The following PPP4R3A variants were observed in gnomAD, a reference collection of about 807,000 sequenced individuals.
PPP4R3A encodes the protein serine/threonine-protein phosphatase 4 regulatory subunit 3A.
Under a neutral mutation model 91.7 loss-of-function variants are expected in PPP4R3A, and 15 were observed. The observed-to-expected ratio is 0.16, with a 90% CI of 0.11 to 0.25. The LOEUF (loss-of-function observed/expected upper bound fraction) is 0.25. Ranked by LOEUF, PPP4R3A falls within the 10% of genes least tolerant of loss-of-function variation. The pLI, the probability that PPP4R3A is intolerant of heterozygous loss-of-function variation, is 1.00. For missense variants in PPP4R3A, 623 were observed against 998.4 expected, an observed-to-expected ratio of 0.62 and a Z score of 5.07; for synonymous variants, 377 against 348.7, an observed-to-expected ratio of 1.08 and a Z score of -0.91.
chr14:91,492,379 T>G (rs139477810), intron 1 of PPP4R3A, among the ~76,000 whole-genome samples: 257 of 152,392 alleles, frequency 1.7e-3, no homozygotes, highest in African/African-American at 6.0e-3. Flanking sequence ...GCTCTTAACA[T>G]TTCCAAATTT....
At chr14:91,504,310 A>G (rs917706611) in intron 1 of PPP4R3A, among the ~76,000 whole-genome samples, 1 of 149,966 alleles carries the variant, frequency 6.7e-6, no homozygotes, top group African/African-American at 2.5e-5. Context: ...CATGGGCAAC[A>G]GAGCTCTTAA....
chr14:91,462,911 G>GA (rs1192490115), intron 11 of PPP4R3A, 34 bp from the exon 12 acceptor site: 2 of 1,529,416 alleles, frequency 1.3e-6, no homozygotes, highest in Admixed American at 1.9e-5. Flanking sequence ...AAAATGATAG[G>GA]AAAATGTCAT....
At chr14:91,495,734 T>C (rs1197009886) in intron 1 of PPP4R3A, among the ~76,000 whole-genome samples, 1 of 151,710 alleles carries the variant, frequency 6.6e-6, no homozygotes, top group East Asian at 1.9e-4. Context: ...CTAGGCAATA[T>C]AGTGAGACCT....
In PPP4R3A at chr14:91,490,146, G is replaced by A. The variant is rs368893238; in HGVS notation, c.198+601C>T. Among the ~76,000 whole-genome samples the A allele has an allele frequency of 2.6e-5, 4 of 152,276 alleles. No individual in the cohort carries two copies. In the East Asian group the frequency reaches 5.8e-4, roughly 22 times the overall value. On this transcript the variant is annotated intron_variant, in intron 2 of 14. Coordinates refer to ENST00000554943, the MANE Select transcript of PPP4R3A (RefSeq NM_001366432.2). ...CTGTGTGGGTGTACGTGAAGCGCAC[G>A]CGCGTGTGTACTGAATGAATACCAT...
At chr14:91,507,530 TA>T (rs1213786945) in intron 1 of PPP4R3A, among the ~76,000 whole-genome samples, 1 of 135,390 alleles carries the variant, frequency 7.4e-6, no homozygotes, top group African/African-American at 2.8e-5. Flanking sequence ...ACTATAGTTA[TA>T]TATACTATAT....
At chr14:91,507,573 ACATAC>A (rs1409063110) in intron 1 of PPP4R3A, among the ~76,000 whole-genome samples, 2 of 138,108 alleles carry the variant, frequency 1.4e-5, no homozygotes, top group African/African-American at 2.7e-5. Flanking sequence ...TATATATTAT[ACATAC>A]TATAGTTATA....
chr14:91,482,275 A>G (rs1308182409), intron 3 of PPP4R3A, 82 bp from the exon 4 acceptor site: 70 of 1,406,686 alleles, frequency 5.0e-5, no homozygotes, highest in South Asian at 1.0e-4. Context: ...TGAATACTAG[A>G]AATGTTGTAA....
chr14:91,475,784 C>T (rs1476606267), intron 7 of PPP4R3A, 27 bp downstream of exon 7: 1 of 1,579,460 alleles, frequency 6.3e-7, no homozygotes, highest in South Asian at 1.1e-5. Flanking sequence ...TGTATAAATA[C>T]TTACTATTAG....
chr14:91,507,594 A>G (rs1891478111), intron 1 of PPP4R3A, among the ~76,000 whole-genome samples: 1 of 144,116 alleles, frequency 6.9e-6, no homozygotes, highest in African/African-American at 2.6e-5. Context: ...TTATATATAC[A>G]TGTTATACAT....
Position 91,462,872 on chromosome 14 carries a change from A to C in PPP4R3A, c.1836T>G (p.Asp612Glu). Reference sequence around the variant, plus strand: ...TTACATGAGCAGTTAATGATTTTATATCTTCCTACAGAAAAGAATAGTAAT... The same window carrying C: ...TTACATGAGCAGTTAATGATTTTATCTCTTCCTACAGAAAAGAATAGTAAT... The part of the protein sequence containing the change: ...IEMFEFIRVE[D>E]IKSLTAHVIE... Residue 612 changes from aspartate to glutamate, a missense_variant, in exon 12 of 15, where the codon GAT becomes GAG. This residue lies in a region of PPP4R3A where 87 missense variants were observed against 233.9 expected (regional missense o/e 0.37). Coordinates refer to ENST00000554943, the MANE Select transcript of PPP4R3A (RefSeq NM_001366432.2). The C allele has an allele frequency of 6.3e-7, 1 of 1,592,076 alleles. No individual in the cohort carries two copies. Among genetic ancestry groups the C allele is most frequent in the South Asian group, 1.1e-5 (1 of 89,578 alleles).
Position 91,481,749 on chromosome 14 carries a change from C to G in PPP4R3A, c.742G>C (p.Glu248Gln). 1 of 1,614,068 alleles carries G rather than the reference C, an allele frequency of 6.2e-7. No individual in the cohort carries two copies. Among genetic ancestry groups the G allele is most frequent in the Non-Finnish European group, 8.5e-7 (1 of 1,180,002 alleles). ...EFLTKTAKFK[E>Q]VIPISDPELK... ...TCAGGATCTGATATGGGAATCACTT[C>G]TTTAAACTTGGCTGTTTTTGTTAGA... is the stretch of plus-strand genomic sequence containing the variant. Residue 248 changes from glutamate to glutamine, a missense_variant, in exon 4 of 15, where the codon GAA becomes CAA. Physicochemically the swap from Glu to Gln is conservative, Grantham distance 29 (BLOSUM62 2). Coordinates refer to ENST00000554943, the MANE Select transcript of PPP4R3A (RefSeq NM_001366432.2).
At chr14:91,508,717 T>C (rs2140181623) in intron 1 of PPP4R3A, among the ~76,000 whole-genome samples, 1 of 152,364 alleles carries the variant, frequency 6.6e-6, no homozygotes, top group African/African-American at 2.4e-5. Context: ...TTGAGGGCTG[T>C]TTCAAAATTT....
chr14:91,490,666 T>C, intron 2 of PPP4R3A, 81 bp downstream of exon 2: 2 of 1,129,590 alleles, frequency 1.8e-6, no homozygotes, highest in Non-Finnish European at 1.3e-6. Flanking sequence ...TCTAAATTTT[T>C]CACTATAAGC....
rs373280532 is a variant in PPP4R3A at position 91,491,014 on chromosome 14, T to G, written c.143-212A>C. ...TCCGCCTCCCAGGCTCAAGAGATTC[T>G]CCTGCCTCAGCCTCCCAAGGAGCTG... On this transcript the variant is annotated intron_variant, in intron 1 of 14. Transcript: ENST00000554943. 6.2e-4 allele frequency among the ~76,000 whole-genome samples: 93 copies of G among 150,938 alleles called. No homozygotes were observed. The East Asian group carries it at 7.1e-3, about 11-fold the overall frequency.
intron 2 of PPP4R3A, among the ~76,000 whole-genome samples, chr14:91,489,415 T>G (rs1890099647): frequency 6.6e-6 from 1 of 152,252 alleles, no homozygotes; most frequent in Admixed American, 6.5e-5. Flanking sequence ...TGGCTGATGC[T>G]TAAGTCAGGG....
chr14:91,494,801 G>A (rs1356297525), intron 1 of PPP4R3A, among the ~76,000 whole-genome samples: 3 of 152,184 alleles, frequency 2.0e-5, no homozygotes, highest in Admixed American at 1.3e-4. Context: ...GGGAGGTGGA[G>A]GTTGCAGTGA....
At chr14:91,496,980 T>C (rs1424865693) in intron 1 of PPP4R3A, among the ~76,000 whole-genome samples, 2 of 152,182 alleles carry the variant, frequency 1.3e-5, no homozygotes, top group African/African-American at 4.8e-5. Context: ...CCCAACAAGT[T>C]TGTTTGTATT....
intron 1 of PPP4R3A, among the ~76,000 whole-genome samples, chr14:91,498,565 C>T (rs371774540): frequency 2.6e-5 from 4 of 151,574 alleles, no homozygotes; most frequent in East Asian, 3.9e-4. Flanking sequence ...CGTGGTGGCA[C>T]GCGCCAATGA....
chr14:91,457,729 C>G lies in PPP4R3A; in HGVS notation c.*1030G>C, dbSNP rs1038421285. The G allele has an allele frequency of 2.0e-5, 3 of 152,578 alleles. No homozygotes were observed. Among genetic ancestry groups the G allele is most frequent in the Admixed American group, 2.0e-4 (3 of 15,270 alleles). 9.5% of individuals were successfully genotyped at this position (152,578 alleles called of 1,614,324 possible). A position where few individuals can be genotyped will look rare whatever the true frequency, so the allele number is the denominator to read the frequency against. On this transcript the variant is annotated 3_prime_UTR_variant, in exon 15 of 15. Coordinates refer to ENST00000554943, the MANE Select transcript of PPP4R3A (RefSeq NM_001366432.2). ...CCCAAGAAAAGAAATTTCAGAATCT[C>G]TTTGGAATACTAATTTCATGTTTCT...
Sources: allele counts gnomAD v4.1 joint callset (sites outside exome capture counted in the v4.1 genomes callset), GRCh38; gene constraint gnomAD v4.1.1; regional missense constraint gnomAD v4.1.1; transcripts MANE v1.5; gene names NCBI Gene and HGNC (gene_info 2026-07-23, HGNC 2026-07-21).